COL19A1: variants seen among roughly 807,000 people sequenced by gnomAD.
COL19A1 encodes collagen type XIX alpha 1 chain.
Under a neutral mutation model 190.2 loss-of-function variants are expected in COL19A1, and 159 were observed. The observed-to-expected ratio is 0.84, with a 90% confidence interval of 0.73 to 0.95. The LOEUF is 0.95. COL19A1 is among the 40% of genes least tolerant of loss of function. The pLI, the probability that COL19A1 is intolerant of heterozygous loss-of-function variation, is 0.00. For synonymous variants in COL19A1, 509 were observed against 458.9 expected, an observed-to-expected ratio of 1.11 and a Z score of -1.39; for missense variants, 1,418 against 1,431.9, an observed-to-expected ratio of 0.99 and a Z score of 0.16.
intron 15 of COL19A1, among the ~76,000 whole-genome samples, chr6:70,076,208 C>T (rs563639435): frequency 6.6e-6 from 1 of 152,238 alleles, no homozygotes; most frequent in East Asian, 1.9e-4. Context: ...CATTCCAGCC[C>T]ACCAAATAAG....
chr6:69,885,331 C>T (rs1277831107), intron 2 of COL19A1, among the ~76,000 whole-genome samples: 1 of 149,612 alleles, frequency 6.7e-6, no homozygotes, highest in African/African-American at 2.4e-5. Flanking sequence ...CTAAGCAGTG[C>T]TTCTTTTAAA....
intron 17 of COL19A1, among the ~76,000 whole-genome samples, chr6:70,129,124 A>G (rs1380115689): frequency 6.6e-6 from 1 of 152,256 alleles, no homozygotes; most frequent in Admixed American, 6.5e-5. Context: ...GCCTGTCCAA[A>G]GTTGATTCCA....
At chr6:70,142,255 T>C (rs1418026269) in intron 22 of COL19A1, among the ~76,000 whole-genome samples, 179 bp downstream of exon 22, 1 of 152,156 alleles carries the variant, frequency 6.6e-6, no homozygotes, top group East Asian at 1.9e-4. Flanking sequence ...AGTAACTGTC[T>C]TTTGGTTTTC....
rs1197239211 is a variant in COL19A1, at chr6:70,208,182, G to A, written c.*908G>A. ...GCTTCAGTGGCCTAGCAAGATCTTTGGGCCCTTGTATCCATTATCCTTATG... is the reference window on the plus strand; with the variant it reads ...GCTTCAGTGGCCTAGCAAGATCTTTAGGCCCTTGTATCCATTATCCTTATG... On this transcript the variant is annotated 3_prime_UTR_variant, in exon 51 of 51. Coordinates refer to ENST00000620364, the MANE Select transcript of COL19A1 (RefSeq NM_001858.6). 1 of 152,152 alleles carries A rather than the reference G, an allele frequency of 6.6e-6. No homozygotes were observed. Among genetic ancestry groups the A allele is most frequent in the Non-Finnish European group, 1.5e-5 (1 of 68,046 alleles). The allele number at this position is 152,152 out of a possible 1,614,324, so 9.4% of individuals were successfully genotyped here.
rs151024668 is a variant in COL19A1, at chr6:70,114,116, G to A, written c.1279-7764G>A. Among the ~76,000 whole-genome samples, 131 of 152,190 alleles carry A rather than the reference G, an allele frequency of 8.6e-4. 1 individual carries two copies. The highest frequency in any genetic ancestry group is 2.9e-3 in the African/African-American group (122 of 41,518). On this transcript the variant is annotated intron_variant, in intron 16 of 50. Transcript: ENST00000620364. Reference sequence around the variant, plus strand: ...TCTGCCCGTCTTGGCCTCCCAAAGTGCTAGCATTGTGGGTGTTAGCCACTG... The same window carrying A: ...TCTGCCCGTCTTGGCCTCCCAAAGTACTAGCATTGTGGGTGTTAGCCACTG...
intron 48 of COL19A1, among the ~76,000 whole-genome samples, chr6:70,194,127 G>A (rs1195700628): frequency 6.6e-6 from 1 of 152,164 alleles, no homozygotes; most frequent in Non-Finnish European, 1.5e-5. Flanking sequence ...CACATCTGCA[G>A]CCTCGAGAGC....
chr6:69,985,415 C>T (rs1287742597), intron 11 of COL19A1, among the ~76,000 whole-genome samples: 2 of 152,084 alleles, frequency 1.3e-5, no homozygotes, highest in Admixed American at 1.3e-4. Context: ...AGTTCAGCAA[C>T]ATTAGCAAAG....
rs145028542 is a variant in COL19A1, at chr6:70,168,667, G to A, written c.2554G>A (p.Asp852Asn). 2.3e-4 allele frequency: 372 copies of A among 1,612,672 alleles called. 1 individual carries two copies. Among genetic ancestry groups the A allele is most frequent in the Non-Finnish European group, 2.8e-4 (336 of 1,179,352 alleles). ...GTTTCTCTTACAGGGCCCAAAAGGC[G>A]ATCCTGGCCCAGTGGTATGAATGTT... The part of the protein sequence containing the change: ...GPPGPPGPKG[D>N]PGPVGEPGAM... Residue 852 changes from aspartate (D) to asparagine (N), a missense_variant, in exon 40 of 51, where the codon GAT (aspartate) becomes AAT (asparagine). Physicochemically the swap from Asp to Asn is conservative, Grantham distance 23 (BLOSUM62 1). Transcript: ENST00000620364.
intron 11 of COL19A1, among the ~76,000 whole-genome samples, chr6:70,003,175 A>G (rs1203743865): frequency 6.6e-6 from 1 of 152,188 alleles, no homozygotes; most frequent in Admixed American, 6.5e-5. Flanking sequence ...TTCAATTTCC[A>G]TGTAATTGTG....
intron 11 of COL19A1, among the ~76,000 whole-genome samples, chr6:69,986,098 A>T (rs1370230956): frequency 6.6e-6 from 1 of 151,916 alleles, no homozygotes; most frequent in East Asian, 1.9e-4. Context: ...AAGACAGTCT[A>T]CAAAGTCAGG....
intron 11 of COL19A1, among the ~76,000 whole-genome samples, chr6:70,022,093 T>G (rs1309900436): frequency 6.6e-6 from 1 of 152,210 alleles, no homozygotes; most frequent in Non-Finnish European, 1.5e-5. Flanking sequence ...TTCTGTAATG[T>G]ATTATCTATT....
rs930595760 is a variant in COL19A1, at chr6:69,999,423, A to G, written c.1027-24204A>G. On this transcript the variant is annotated intron_variant, in intron 11 of 50. Transcript: ENST00000620364. ...ATGGTGCATGCCTGTGGTCCCAACT[A>G]CTTGGAAGGCTGAGGCTGAAGCATC... Among the ~76,000 whole-genome samples, 3 of 152,140 alleles carry G rather than the reference A, an allele frequency of 2.0e-5. No individual in the cohort carries two copies. In the East Asian group the frequency reaches 5.8e-4, roughly 30 times the overall value.
intron 37 of COL19A1, among the ~76,000 whole-genome samples, chr6:70,167,434 G>A (rs1183029201): frequency 2.6e-5 from 4 of 151,840 alleles, no homozygotes. Context: ...TTAAGTGTTG[G>A]TTACTCTAGG....
intron 16 of COL19A1, among the ~76,000 whole-genome samples, chr6:70,112,540 T>C (rs1784341897): frequency 6.6e-6 from 1 of 152,120 alleles, no homozygotes; most frequent in Non-Finnish European, 1.5e-5. Context: ...AGTCAAAATG[T>C]CCCACTCTAT....
At chr6:70,095,033 C>G (rs540692589) in intron 15 of COL19A1, among the ~76,000 whole-genome samples, 58 of 152,286 alleles carry the variant, frequency 3.8e-4, no homozygotes, top group African/African-American at 1.3e-3. Flanking sequence ...AGAACATCAT[C>G]ACCCCAAGAA....
chr6:70,192,557 T>A (rs75795914), intron 48 of COL19A1, among the ~76,000 whole-genome samples: 7,407 of 151,006 alleles, frequency 0.049, 195 homozygotes, highest in Non-Finnish European at 0.06. Flanking sequence ...AAACTTTGCT[T>A]TCCAAACACT....
At chr6:70,149,500 T>A (rs191615671) in intron 27 of COL19A1, among the ~76,000 whole-genome samples, 2 of 152,278 alleles carry the variant, frequency 1.3e-5, no homozygotes, top group Admixed American at 1.3e-4. Context: ...CAAAATCATG[T>A]TGATGTTTCC....
At chr6:70,098,080 C>G (rs1009568985) in intron 15 of COL19A1, among the ~76,000 whole-genome samples, 1 of 152,152 alleles carries the variant, frequency 6.6e-6, no homozygotes, top group Non-Finnish European at 1.5e-5. Flanking sequence ...GCATCAGGAG[C>G]CTTCTTCCTG....
At chr6:70,154,597 AT>A (rs1787320146) in intron 31 of COL19A1, among the ~76,000 whole-genome samples, 1 of 152,162 alleles carries the variant, frequency 6.6e-6, no homozygotes, top group African/African-American at 2.4e-5. Context: ...ATTAAGGAGA[AT>A]TGACTCATGT....
Sources: allele counts gnomAD v4.1 joint callset (sites outside exome capture counted in the v4.1 genomes callset), GRCh38; gene constraint gnomAD v4.1.1; transcripts MANE v1.5; gene names NCBI Gene and HGNC (gene_info 2026-07-23, HGNC 2026-07-21).